The following DLC1 variants were observed in gnomAD, a reference collection of about 807,000 sequenced individuals.
The protein encoded by DLC1 is rho GTPase-activating protein 7.
A neutral mutation model predicts 140.3 loss-of-function variants in DLC1; 54 were observed. The ratio of observed to expected loss-of-function variants is 0.38; its 90% CI spans 0.31 to 0.48. The LOEUF is 0.48. Among genes scored for constraint, DLC1 ranks in the 20% least tolerant of loss-of-function variants. The pLI is 0.96. For synonymous variants in DLC1, 986 were observed against 728.1 expected (o/e 1.35, Z -5.70); for missense variants, 2,536 against 1,907.0 (o/e 1.33, Z -6.14).
intron 3 of DLC1, among the ~76,000 whole-genome samples, chr8:13,397,119 C>T (rs1342330466): frequency 6.6e-6 from 1 of 152,076 alleles, no homozygotes; most frequent in Non-Finnish European, 1.5e-5. Flanking sequence ...AGTGCTTATA[C>T]CACTCAACTC....
chr8:13,592,290 A>G (rs1805539509), intron 1 of DLC1, among the ~76,000 whole-genome samples: 2 of 152,098 alleles, frequency 1.3e-5, no homozygotes, highest in East Asian at 1.9e-4. Context: ...TTATTGAACT[A>G]TAAGATCTTA....
intron 7 of DLC1, among the ~76,000 whole-genome samples, chr8:13,105,721 G>A (rs772195964): frequency 1.4e-4 from 21 of 151,886 alleles, no homozygotes; most frequent in Non-Finnish European, 2.2e-4. Context: ...GGGACTACAG[G>A]TGCCCGCCAC....
intron 2 of DLC1, among the ~76,000 whole-genome samples, chr8:13,450,452 CAAAAAAAAAAAA>C (rs759911909): frequency 1.9e-5 from 1 of 53,370 alleles, no homozygotes; most frequent in African/African-American, 7.6e-5. Flanking sequence ...GAGACTGTCT[CAAAAAAAAAAAA>C]AAAAAAAAAA....
At chr8:13,420,953 G>T (rs1838294574) in intron 2 of DLC1, among the ~76,000 whole-genome samples, 1 of 152,080 alleles carries the variant, frequency 6.6e-6, no homozygotes, top group Admixed American at 6.6e-5. Flanking sequence ...ATCAGTTTGA[G>T]CTCTTGGACG....
intron 4 of DLC1, among the ~76,000 whole-genome samples, chr8:13,376,358 C>A (rs1835985744): frequency 6.6e-6 from 1 of 152,126 alleles, no homozygotes; most frequent in Non-Finnish European, 1.5e-5. Flanking sequence ...ATTCTCCTTC[C>A]TCTATTCCTC....
At chr8:13,143,736 C>G (rs941741489) in intron 5 of DLC1, among the ~76,000 whole-genome samples, 4 of 150,940 alleles carry the variant, frequency 2.7e-5, no homozygotes, top group African/African-American at 9.8e-5. Flanking sequence ...TTGGGATAAT[C>G]ATTCTGGCGT....
At chr8:13,348,641 G>GA (rs1187361981) in intron 4 of DLC1, among the ~76,000 whole-genome samples, 2 of 152,174 alleles carry the variant, frequency 1.3e-5, no homozygotes, top group East Asian at 1.9e-4. Flanking sequence ...CTTCTGGTTA[G>GA]AAAATCACAG....
chr8:13,389,530 T>G (rs1158384634), intron 4 of DLC1, among the ~76,000 whole-genome samples: 2 of 152,138 alleles, frequency 1.3e-5, no homozygotes, highest in Non-Finnish European at 2.9e-5. Flanking sequence ...TTTTCTAATG[T>G]GTTTTTTGAC....
At chr8:13,420,551 C>T (rs1317367401) in intron 2 of DLC1, among the ~76,000 whole-genome samples, 1 of 152,056 alleles carries the variant, frequency 6.6e-6, no homozygotes, top group Non-Finnish European at 1.5e-5. Context: ...AATGCTCTCC[C>T]TTCCCTTAAC....
intron 1 of DLC1, among the ~76,000 whole-genome samples, chr8:13,513,443 A>G (rs532900369): frequency 1.1e-4 from 17 of 152,174 alleles, no homozygotes; most frequent in Non-Finnish European, 1.9e-4. Context: ...CTAATATAGC[A>G]GATGGTCACC....
chr8:13,369,644 C>CCTGTATTT (rs1835643773), intron 4 of DLC1, among the ~76,000 whole-genome samples: 1 of 151,874 alleles, frequency 6.6e-6, no homozygotes, highest in Non-Finnish European at 1.5e-5. Context: ...TTTTTTTCTC[C>CCTGTATTT]CTTAAAAATA....
chr8:13,422,232 T>C (rs1311840661), intron 2 of DLC1, among the ~76,000 whole-genome samples: 1 of 152,154 alleles, frequency 6.6e-6, no homozygotes, highest in South Asian at 2.1e-4. Flanking sequence ...AAGTAATCTT[T>C]CTGTGTTTTC....
intron 1 of DLC1, among the ~76,000 whole-genome samples, chr8:13,566,579 C>T (rs1055922991): frequency 3.3e-5 from 5 of 152,192 alleles, no homozygotes; most frequent in Non-Finnish European, 7.3e-5. Flanking sequence ...GGCGGGCGTA[C>T]ACGTTCGGAT....
At chr8:13,324,969 G>C (rs1316865790) in intron 4 of DLC1, among the ~76,000 whole-genome samples, 3 of 152,138 alleles carry the variant, frequency 2.0e-5, no homozygotes, top group African/African-American at 7.2e-5. Context: ...CAAATGGTTA[G>C]TTTGTTTGTG....
At chr8:13,117,076 C>G (rs1820618204) in intron 5 of DLC1, among the ~76,000 whole-genome samples, 1 of 152,090 alleles carries the variant, frequency 6.6e-6, no homozygotes, top group Non-Finnish European at 1.5e-5. Flanking sequence ...TTTGTCTCAG[C>G]AAGGAAATAA....
intron 1 of DLC1, among the ~76,000 whole-genome samples, chr8:13,506,741 A>T (rs1802104779): frequency 6.6e-6 from 1 of 151,968 alleles, no homozygotes; most frequent in African/African-American, 2.4e-5. Context: ...GTGGGAAGGA[A>T]GAGAAGATGT....
At chr8:13,375,218 G>A (rs933065724) in intron 4 of DLC1, among the ~76,000 whole-genome samples, 6 of 151,962 alleles carry the variant, frequency 3.9e-5, no homozygotes, top group South Asian at 4.1e-4. Context: ...TAGTAGAGAC[G>A]GGGTTTCACT....
chr8:13,373,876 A>G (rs1835840782), intron 4 of DLC1, among the ~76,000 whole-genome samples: 1 of 152,232 alleles, frequency 6.6e-6, no homozygotes, highest in Admixed American at 6.5e-5. Context: ...TTGCATTCAT[A>G]TATAAAGCAT....
intron 5 of DLC1, among the ~76,000 whole-genome samples, chr8:13,194,623 C>A (rs992490321): frequency 6.6e-6 from 1 of 152,186 alleles, no homozygotes; most frequent in Non-Finnish European, 1.5e-5. Flanking sequence ...GGACTCCATT[C>A]TGGGGATTAA....
Sources: allele counts gnomAD v4.1 joint callset (sites outside exome capture counted in the v4.1 genomes callset), GRCh38; gene constraint gnomAD v4.1.1; transcripts MANE v1.5; gene names NCBI Gene and HGNC (gene_info 2026-07-23, HGNC 2026-07-21).